Variants in SEMA5A observed in about 807,000 individuals in gnomAD.
SEMA5A encodes the protein semaphorin 5A, also known as semaphorin-5A.
In SEMA5A, 55 loss-of-function variants were observed where a neutral mutation model predicts 135.5. The observed-to-expected ratio is 0.41, with a 90% CI of 0.33 to 0.51. SEMA5A has a LOEUF of 0.51. Ranked by LOEUF, SEMA5A falls within the 20% of genes least tolerant of loss-of-function variation. The pLI, the probability that SEMA5A is intolerant of heterozygous loss-of-function variation, is 0.37. For missense variants in SEMA5A, 1,290 were observed against 1,419.9 expected (o/e 0.91, Z 1.47); for synonymous variants, 580 against 546.5 (o/e 1.06, Z -0.85).
chr5:9,255,788 C>T (rs1262222710), intron 5 of SEMA5A, among the ~76,000 whole-genome samples: 2 of 152,214 alleles, frequency 1.3e-5, no homozygotes, highest in African/African-American at 2.4e-5. Context: ...CTGTCCATTA[C>T]TGGAAAGTAT....
intron 1 of SEMA5A, among the ~76,000 whole-genome samples, chr5:9,529,156 A>G: frequency 6.6e-6 from 1 of 152,210 alleles, no homozygotes; most frequent in Non-Finnish European, 1.5e-5. Flanking sequence ...AGCTCCATCA[A>G]GGTCTGAGGA....
At chr5:9,495,654 C>T (rs914147785) in intron 1 of SEMA5A, among the ~76,000 whole-genome samples, 5 of 152,190 alleles carry the variant, frequency 3.3e-5, no homozygotes, top group South Asian at 2.1e-4. Context: ...CAGCAGGATG[C>T]GTCCACAGGA....
At chr5:9,127,162 G>A (rs1032702826) in intron 13 of SEMA5A, among the ~76,000 whole-genome samples, 3 of 152,284 alleles carry the variant, frequency 2.0e-5, no homozygotes, top group Admixed American at 1.3e-4. Flanking sequence ...AGCCTGCGAC[G>A]TTAAAAGCAA....
At position 9,281,570 on chromosome 5, in the gene SEMA5A, C is replaced by T. The variant is rs553899580; in HGVS notation, c.270+36802G>A. Among the ~76,000 whole-genome samples, 8 of 152,256 alleles carry T rather than the reference C, an allele frequency of 5.3e-5. No individual in the cohort carries two copies. The South Asian group carries it at 1.2e-3, about 24-fold the overall frequency. Reference sequence around the variant, plus strand: ...CCCTAGTTTATATGAAAAGCAAATCCCATATCCATATTATTTTATTGATTA... The same window carrying T: ...CCCTAGTTTATATGAAAAGCAAATCTCATATCCATATTATTTTATTGATTA... On this transcript the variant is annotated intron_variant, in intron 5 of 22. Coordinates refer to ENST00000382496, the MANE Select transcript of SEMA5A (RefSeq NM_003966.3).
At chr5:9,114,942 T>C (rs939368507) in intron 15 of SEMA5A, among the ~76,000 whole-genome samples, 7 of 152,130 alleles carry the variant, frequency 4.6e-5, no homozygotes, top group Non-Finnish European at 1.0e-4. Flanking sequence ...AAGAGTCCTT[T>C]CTAGAGCAAG....
intron 3 of SEMA5A, among the ~76,000 whole-genome samples, chr5:9,361,822 C>T (rs571172982): frequency 3.9e-5 from 6 of 152,190 alleles, no homozygotes; most frequent in African/African-American, 9.6e-5. Context: ...CGCTTAGTTC[C>T]ATTCATTGTT....
At chr5:9,244,650 G>A (rs185186866) in intron 5 of SEMA5A, among the ~76,000 whole-genome samples, 9 of 152,334 alleles carry the variant, frequency 5.9e-5, no homozygotes, top group African/African-American at 1.7e-4. Flanking sequence ...CTAGGACAGT[G>A]CCACATACAC....
intron 11 of SEMA5A, among the ~76,000 whole-genome samples, chr5:9,181,367 A>G (rs1014783713): frequency 6.6e-6 from 1 of 152,170 alleles, no homozygotes; most frequent in Admixed American, 6.5e-5. Context: ...GTGGAATTCC[A>G]TCTTTACCTA....
intron 5 of SEMA5A, among the ~76,000 whole-genome samples, chr5:9,288,060 A>C (rs1750887318): frequency 6.6e-6 from 1 of 152,114 alleles, no homozygotes; most frequent in Non-Finnish European, 1.5e-5. Context: ...TAAAAGAGAC[A>C]CATGACATAT....
intron 1 of SEMA5A, chr5:9,516,900 A>T (rs2126861153): frequency 6.6e-6 from 1 of 152,318 alleles, no homozygotes. Flanking sequence ...CATTATTTAC[A>T]TCCTATCCCA....
intron 18 of SEMA5A, among the ~76,000 whole-genome samples, chr5:9,058,716 G>A (rs545581945): frequency 6.6e-6 from 1 of 152,246 alleles, no homozygotes; most frequent in African/African-American, 2.4e-5. Context: ...TGCTCAACAG[G>A]CTTCCTGTGT....
At chr5:9,340,395 A>C (rs957607437) in intron 3 of SEMA5A, among the ~76,000 whole-genome samples, 1 of 152,168 alleles carries the variant, frequency 6.6e-6, no homozygotes, top group Admixed American at 6.5e-5. Flanking sequence ...AGCCTCTAAG[A>C]GGAAAAAAGA....
chr5:9,311,687 T>C (rs1474609352), intron 5 of SEMA5A, among the ~76,000 whole-genome samples: 2 of 151,936 alleles, frequency 1.3e-5, no homozygotes, highest in African/African-American at 4.8e-5. Flanking sequence ...GGCACATGTA[T>C]ACATATGTAA....
chr5:9,141,659 C>T (rs1301048065), intron 12 of SEMA5A, among the ~76,000 whole-genome samples: 3 of 152,142 alleles, frequency 2.0e-5, no homozygotes, highest in Non-Finnish European at 4.4e-5. Flanking sequence ...TGTCTACTTT[C>T]CTTTCCACAT....
At chr5:9,271,176 C>T (rs1436675141) in intron 5 of SEMA5A, among the ~76,000 whole-genome samples, 1 of 152,050 alleles carries the variant, frequency 6.6e-6, no homozygotes, top group African/African-American at 2.4e-5. Flanking sequence ...TGGCACTCCC[C>T]CGTTTACTTG....
intron 21 of SEMA5A, among the ~76,000 whole-genome samples, chr5:9,044,888 G>A (rs972617364): frequency 6.6e-6 from 1 of 152,034 alleles, no homozygotes; most frequent in South Asian, 2.1e-4. Flanking sequence ...GGGTTCAAGC[G>A]ATTCTCCTGC....
chr5:9,523,664 G>A (rs542744375), intron 1 of SEMA5A, among the ~76,000 whole-genome samples: 3 of 152,262 alleles, frequency 2.0e-5, no homozygotes, highest in African/African-American at 7.2e-5. Context: ...TCTGGAGGAG[G>A]AGGCATACAG....
intron 9 of SEMA5A, among the ~76,000 whole-genome samples, chr5:9,198,047 A>G (rs550290569): frequency 1.3e-5 from 2 of 152,268 alleles, no homozygotes; most frequent in Non-Finnish European, 2.9e-5. Context: ...AAACAGCAAC[A>G]TTATTTGGTT....
chr5:9,042,649 G>T lies in SEMA5A; in HGVS notation c.*248C>A. 2.3e-6 allele frequency: 1 copy of T among 434,154 alleles called. No homozygotes were observed. The highest frequency in any genetic ancestry group is 4.1e-6 in the Non-Finnish European group (1 of 245,708). 26.9% of individuals were successfully genotyped at this position (434,154 alleles called of 1,614,324 possible). The stretch of plus-strand genomic sequence containing the variant: ...ACCAATGGACTTGTCAGAAAAATAG[G>T]ATGAACACAATTAAAAACTTCACAC... On this transcript the variant is annotated 3_prime_UTR_variant, in exon 23 of 23. Coordinates refer to ENST00000382496, the MANE Select transcript of SEMA5A (RefSeq NM_003966.3).
Sources: gnomAD v4.1 joint callset for allele counts (sites outside exome capture counted in the v4.1 genomes callset) on GRCh38, gnomAD v4.1.1 for gene constraint, MANE v1.5 for transcripts, NCBI Gene and HGNC (gene_info 2026-07-23, HGNC 2026-07-21) for gene names.